The following CNTNAP2 variants were observed in gnomAD, a reference collection of about 807,000 sequenced individuals.
The protein encoded by CNTNAP2 is contactin associated protein 2.
In CNTNAP2, 98 loss-of-function variants were observed where a neutral mutation model predicts 155.2. The observed-to-expected ratio is 0.63, with a 90% CI of 0.54 to 0.75. CNTNAP2 has a LOEUF of 0.75. Ranked by LOEUF, CNTNAP2 falls within the 30% of genes least tolerant of loss-of-function variation. The probability of loss-of-function intolerance (pLI) is 0.00; values close to 1 mark genes in which losing one functional copy is unlikely to be tolerated. For synonymous variants in CNTNAP2, 651 were observed against 631.2 expected (o/e 1.03, Z -0.47); for missense variants, 1,727 against 1,688.1 (o/e 1.02, Z -0.40).
chr7:147,226,825 A>C (rs1244191565), intron 8 of CNTNAP2, among the ~76,000 whole-genome samples: 1 of 152,224 alleles, frequency 6.6e-6, no homozygotes, highest in African/African-American at 2.4e-5. Context: ...TACTTAACCC[A>C]GAATTTATTC....
chr7:147,161,144 G>T (rs1439619302), intron 8 of CNTNAP2, among the ~76,000 whole-genome samples: 1 of 152,052 alleles, frequency 6.6e-6, no homozygotes, highest in African/African-American at 2.4e-5. Context: ...TGGGTAACTT[G>T]GTAAGTGATG....
chr7:147,738,682 T>G (rs1796901462), intron 13 of CNTNAP2, among the ~76,000 whole-genome samples: 1 of 149,964 alleles, frequency 6.7e-6, no homozygotes, highest in Non-Finnish European at 1.5e-5. Context: ...TTAGGTGGAG[T>G]CTTGCTCTGT....
chr7:146,929,053 A>G (rs201736693), intron 3 of CNTNAP2, among the ~76,000 whole-genome samples: 2 of 152,202 alleles, frequency 1.3e-5, no homozygotes, highest in Admixed American at 6.5e-5. Context: ...GCAGACTTAA[A>G]TGTCCCTGTC....
chr7:148,175,835 C>CTCCTCCCCA (rs1794924684), intron 18 of CNTNAP2, among the ~76,000 whole-genome samples: 1 of 152,104 alleles, frequency 6.6e-6, no homozygotes. Context: ...CCTTCTCCCC[C>CTCCTCCCCA]TCCTCCCCAT....
At chr7:147,715,545 G>A (rs944466962) in intron 13 of CNTNAP2, among the ~76,000 whole-genome samples, 3 of 151,890 alleles carry the variant, frequency 2.0e-5, no homozygotes, top group African/African-American at 7.2e-5. Flanking sequence ...TAATTTTATG[G>A]GGTTTTTTTA....
chr7:146,381,941 T>A (rs533292788), intron 1 of CNTNAP2, among the ~76,000 whole-genome samples: 2 of 152,312 alleles, frequency 1.3e-5, no homozygotes, highest in South Asian at 4.1e-4. Context: ...GCTCTCATCC[T>A]TCCCTGATTA....
intron 1 of CNTNAP2, among the ~76,000 whole-genome samples, chr7:146,600,924 G>C (rs1316568473): frequency 6.6e-6 from 1 of 151,944 alleles, no homozygotes. Flanking sequence ...TAATATTCTA[G>C]GGTTTCACAT....
chr7:146,326,447 A>G (rs1246845206), intron 1 of CNTNAP2, among the ~76,000 whole-genome samples: 1 of 152,188 alleles, frequency 6.6e-6, no homozygotes, highest in Non-Finnish European at 1.5e-5. Flanking sequence ...AATCAGTTAC[A>G]TGACAGTGAA....
chr7:146,680,108 A>C (rs1462894030), intron 1 of CNTNAP2, among the ~76,000 whole-genome samples: 1 of 152,204 alleles, frequency 6.6e-6, no homozygotes, highest in Non-Finnish European at 1.5e-5. Context: ...TTAAATAAGC[A>C]TACCTTATTC....
intron 3 of CNTNAP2, among the ~76,000 whole-genome samples, chr7:146,869,797 G>T (rs1291932969): frequency 1.3e-5 from 2 of 152,078 alleles, no homozygotes; most frequent in African/African-American, 2.4e-5. Flanking sequence ...TCTTCTGCCT[G>T]CTTTTTCTAG....
intron 3 of CNTNAP2, among the ~76,000 whole-genome samples, chr7:147,037,447 T>G (rs927718187): frequency 2.0e-5 from 3 of 148,950 alleles, no homozygotes; most frequent in Admixed American, 6.7e-5. Flanking sequence ...GTTTTGTTTT[T>G]TTTTTCCCTT....
intron 1 of CNTNAP2, among the ~76,000 whole-genome samples, chr7:146,666,726 A>C (rs1450740251): frequency 1.3e-5 from 2 of 152,048 alleles, no homozygotes; most frequent in African/African-American, 4.8e-5. Context: ...TTGTGGTTTT[A>C]ATTTGTATTT....
intron 20 of CNTNAP2, among the ~76,000 whole-genome samples, chr7:148,246,115 G>T (rs916146184): frequency 7.2e-5 from 11 of 152,118 alleles, no homozygotes; most frequent in African/African-American, 2.7e-4. Context: ...ACACCTTTCT[G>T]CTCTTTCACC....
At chr7:147,821,374 A>G (rs1798357754) in intron 13 of CNTNAP2, among the ~76,000 whole-genome samples, 2 of 152,134 alleles carry the variant, frequency 1.3e-5, no homozygotes, top group African/African-American at 4.8e-5. Flanking sequence ...ATATTTATTA[A>G]GTGCCTTTTA....
At chr7:147,333,997 G>A (rs1013351974) in intron 9 of CNTNAP2, among the ~76,000 whole-genome samples, 5 of 152,056 alleles carry the variant, frequency 3.3e-5, no homozygotes, top group African/African-American at 7.2e-5. Flanking sequence ...TTTTCTGTAT[G>A]CCAAAGCCAT....
rs1324038803 is a variant in CNTNAP2 at position 146,839,924 on chromosome 7, G to T, written c.402+20G>T. ...ATCTGGGTAAGTCATTGGCAGGAAA[G>T]CAAAGACACAGAATTGGATTGGAAA... On this transcript the variant is annotated intron_variant, in intron 3 of 23. Coordinates refer to ENST00000361727, the MANE Select transcript of CNTNAP2 (RefSeq NM_014141.6). The T allele has an allele frequency of 6.8e-6, 11 of 1,613,034 alleles. No individual in the cohort carries two copies. The highest frequency in any genetic ancestry group is 8.5e-6 in the Non-Finnish European group (10 of 1,179,290).
intron 21 of CNTNAP2, among the ~76,000 whole-genome samples, chr7:148,268,542 C>T (rs916717573): frequency 1.3e-5 from 2 of 152,052 alleles, no homozygotes; most frequent in South Asian, 2.1e-4. Context: ...GTAGTCCCAG[C>T]TACTTGGGAG....
rs140677788 is a variant in CNTNAP2 at position 147,700,109 on chromosome 7, A to C, written c.2098+60803A>C. ...TCACTCTCTGTTGGTAATGACCAGA[A>C]TCATACCTAGTCCTAAGTGGGGCTG... On this transcript the variant is annotated intron_variant, in intron 13 of 23. Transcript: ENST00000361727. Among the ~76,000 whole-genome samples, 44 of 152,278 alleles carry C rather than the reference A, an allele frequency of 2.9e-4. No homozygotes were observed. In the East Asian group the frequency reaches 7.5e-3, roughly 26 times the overall value.
intron 3 of CNTNAP2, among the ~76,000 whole-genome samples, chr7:146,989,384 G>A (rs535885159): frequency 6.6e-6 from 1 of 152,018 alleles, no homozygotes; most frequent in Admixed American, 6.6e-5. Context: ...ACTGGATACA[G>A]GTTGCCCCAG....
Sources: gnomAD v4.1 joint callset for allele counts (sites outside exome capture counted in the v4.1 genomes callset) on GRCh38, gnomAD v4.1.1 for gene constraint, MANE v1.5 for transcripts, NCBI Gene and HGNC (gene_info 2026-07-23, HGNC 2026-07-21) for gene names.